RAPGEF2: variants seen among roughly 807,000 people sequenced by gnomAD.
The protein encoded by RAPGEF2 is Rap guanine nucleotide exchange factor 2, also known as PDZ domain containing guanine nucleotide exchange factor (GEF) 1.
In RAPGEF2, 54 loss-of-function variants were observed where a neutral mutation model predicts 186.7. That is an observed-to-expected ratio of 0.29 (90% confidence interval 0.23 to 0.36). RAPGEF2 has a LOEUF of 0.36. Among genes scored for constraint, RAPGEF2 ranks in the 10% least tolerant of loss-of-function variants. The probability of loss-of-function intolerance (pLI) is 1.00; values close to 1 mark genes in which losing one functional copy is unlikely to be tolerated. For missense variants in RAPGEF2, 1,532 were observed against 2,045.0 expected (o/e 0.75, Z 4.84); for synonymous variants, 712 against 705.9 (o/e 1.01, Z -0.14).
intron 7 of RAPGEF2, among the ~76,000 whole-genome samples, chr4:159,254,522 G>A (rs1156684434): frequency 6.6e-6 from 1 of 151,726 alleles, no homozygotes; most frequent in Admixed American, 6.6e-5. Flanking sequence ...GGAGCGTTAA[G>A]GGAAGGAGAT....
At chr4:159,342,670 G>A (rs1013336312) in intron 20 of RAPGEF2, among the ~76,000 whole-genome samples, 5 of 150,466 alleles carry the variant, frequency 3.3e-5, no homozygotes, top group Non-Finnish European at 5.9e-5. Context: ...TATGGGCTAA[G>A]CACTGCTATG....
intron 1 of RAPGEF2, among the ~76,000 whole-genome samples, chr4:159,158,867 A>G (rs1456554814): frequency 6.6e-6 from 1 of 152,094 alleles, no homozygotes; most frequent in Non-Finnish European, 1.5e-5. Flanking sequence ...CTCAAGTTTC[A>G]CTCTTATTTG....
At chr4:159,130,528 C>T (rs1337989491) in intron 1 of RAPGEF2, among the ~76,000 whole-genome samples, 1 of 151,904 alleles carries the variant, frequency 6.6e-6, no homozygotes, top group Non-Finnish European at 1.5e-5. Context: ...TTTCTTTATT[C>T]AAATTTCTCT....
intron 7 of RAPGEF2, among the ~76,000 whole-genome samples, chr4:159,292,740 T>G (rs531174847): frequency 6.6e-5 from 10 of 152,320 alleles, no homozygotes; most frequent in African/African-American, 2.2e-4. Context: ...TAGACCTAAT[T>G]TTTCATGTAA....
chr4:159,134,523 G>A (rs1347839704), intron 1 of RAPGEF2, among the ~76,000 whole-genome samples: 1 of 152,130 alleles, frequency 6.6e-6, no homozygotes, highest in African/African-American at 2.4e-5. Context: ...TATATGATAA[G>A]TGTATGTTTA....
In RAPGEF2 at chr4:159,187,049, A is replaced by G. The variant is rs1747630765; in HGVS notation, c.140+337A>G. On this transcript the variant is annotated intron_variant, in intron 2 of 29. Transcript: ENST00000691494. ...ACTTATTTCTCCTACCTAGAATGCT[A>G]GAATTTTATAGATCACTTACTGTAG... Among the ~76,000 whole-genome samples the G allele has an allele frequency of 2.0e-5, 3 of 152,204 alleles. No individual in the cohort carries two copies. The South Asian group carries it at 6.2e-4, about 31-fold the overall frequency.
rs139698005 is a variant in RAPGEF2, at chr4:159,278,422, G to T, written c.544-25920G>T. ...TGATTTTATCATTCCTACCCCTAAG[G>T]AACCTGAGTACTGAAATATATTGAA... is the stretch of plus-strand genomic sequence containing the variant. On this transcript the variant is annotated intron_variant, in intron 7 of 29. Transcript: ENST00000691494. Among the ~76,000 whole-genome samples, 130 of 152,168 alleles carry T rather than the reference G, an allele frequency of 8.5e-4. 2 individuals carry two copies. The highest frequency in any genetic ancestry group is 2.9e-3 in the African/African-American group (122 of 41,526).
intron 4 of RAPGEF2, among the ~76,000 whole-genome samples, chr4:159,227,262 A>G (rs1752139565): frequency 1.3e-5 from 2 of 152,246 alleles, no homozygotes; most frequent in African/African-American, 2.4e-5. Context: ...TTCATCTGCC[A>G]TTTTTCTCAT....
intron 25 of RAPGEF2, among the ~76,000 whole-genome samples, chr4:159,348,242 A>AGATAGATAGATAGATAGATG (rs544061786): frequency 1.2e-4 from 18 of 144,954 alleles, no homozygotes; most frequent in African/African-American, 5.0e-4. Flanking sequence ...ATAGATAGAT[A>AGATAGATAGATAGATAGATG]GATGGATGGA....
chr4:159,299,070 A>G (rs1179516903), intron 7 of RAPGEF2, among the ~76,000 whole-genome samples: 1 of 152,226 alleles, frequency 6.6e-6, no homozygotes, highest in Non-Finnish European at 1.5e-5. Flanking sequence ...GTGAACATAA[A>G]GACTCAAAAC....
At chr4:159,312,614 T>A (rs1764080978) in intron 8 of RAPGEF2, among the ~76,000 whole-genome samples, 1 of 152,224 alleles carries the variant, frequency 6.6e-6, no homozygotes, top group Non-Finnish European at 1.5e-5. Context: ...GTATCTCTGC[T>A]TATAATGACC....
chr4:159,333,039 G>GCGCGAT lies in RAPGEF2; in HGVS notation c.2135+344_2135+349dup, dbSNP rs978987885. Among the ~76,000 whole-genome samples, 76 of 152,114 alleles carry GCGCGAT rather than the reference G, an allele frequency of 5.0e-4. No individual in the cohort carries two copies. In the East Asian group the frequency reaches 0.01, roughly 20 times the overall value. On this transcript the variant is annotated intron_variant, in intron 17 of 29. Coordinates refer to ENST00000691494, the MANE Select transcript of RAPGEF2 (RefSeq NM_001394067.2). Reference sequence around the variant, plus strand: ...TTATTGCCCAGGCTGGAGTGCAGTGGCGCGATCTCGGCTCACTGCAACCTG... The same window carrying GCGCGAT: ...TTATTGCCCAGGCTGGAGTGCAGTGGCGCGATCGCGATCTCGGCTCACTGCAACCTG...
At chr4:159,232,451 T>C (rs888229377) in intron 4 of RAPGEF2, among the ~76,000 whole-genome samples, 4 of 152,242 alleles carry the variant, frequency 2.6e-5, no homozygotes, top group African/African-American at 9.6e-5. Flanking sequence ...TTGTAGCAGG[T>C]ATCAGAACTT....
In RAPGEF2 at chr4:159,350,118, T is replaced by TG. The variant is rs775790796; in HGVS notation, c.3713-19_3713-18insG. The TG allele has an allele frequency of 3.8e-6, 5 of 1,302,016 alleles. No individual in the cohort carries two copies. In the African/African-American group the frequency reaches 9.1e-5, roughly 24 times the overall value. The allele number at this position is 1,302,016 out of a possible 1,614,324, so 80.7% of individuals were successfully genotyped here. On this transcript the variant is annotated intron_variant, in intron 25 of 29. Transcript: ENST00000691494. Reference sequence around the variant, plus strand: ...AGACTTGAAAATACATATTTAAGGTTTTTTTTTTTCCATTATAGGCATAAA... The same window carrying TG: ...AGACTTGAAAATACATATTTAAGGTTGTTTTTTTTTCCATTATAGGCATAAA...
At chr4:159,241,008 A>G in intron 5 of RAPGEF2, 193 bp from the exon 6 acceptor site, 1 of 467,678 alleles carries the variant, frequency 2.1e-6, no homozygotes, top group South Asian at 5.9e-5. Flanking sequence ...ATGCCTCCTC[A>G]TAAAAGAAAT....
intron 1 of RAPGEF2, among the ~76,000 whole-genome samples, chr4:159,125,242 A>C (rs954365873): frequency 2.0e-5 from 3 of 152,220 alleles, no homozygotes; most frequent in Admixed American, 6.5e-5. Flanking sequence ...TTAGTTTACA[A>C]TCAAGAAATA....
intron 1 of RAPGEF2, among the ~76,000 whole-genome samples, chr4:159,110,110 G>T (rs890294721): frequency 6.6e-6 from 1 of 152,186 alleles, no homozygotes; most frequent in African/African-American, 2.4e-5. Context: ...AATCATACCA[G>T]TGCAGCCTAA....
chr4:159,132,900 A>G (rs1371374592), intron 1 of RAPGEF2, among the ~76,000 whole-genome samples: 4 of 145,232 alleles, frequency 2.8e-5, no homozygotes, highest in African/African-American at 7.6e-5. Flanking sequence ...TTTTTTGCAT[A>G]GTTCACATGT....
intron 7 of RAPGEF2, among the ~76,000 whole-genome samples, chr4:159,280,215 G>A (rs776641256): frequency 2.0e-5 from 3 of 152,072 alleles, no homozygotes; most frequent in Non-Finnish European, 4.4e-5. Context: ...GTATATAGCC[G>A]GATGAAGGAG....
Sources: gnomAD v4.1 joint callset for allele counts (sites outside exome capture counted in the v4.1 genomes callset) on GRCh38, gnomAD v4.1.1 for gene constraint, MANE v1.5 for transcripts, NCBI Gene and HGNC (gene_info 2026-07-23, HGNC 2026-07-21) for gene names.